Variants in PLEKHA7 observed in about 807,000 individuals in gnomAD.
PLEKHA7 encodes pleckstrin homology domain containing A7.
In PLEKHA7, 104 loss-of-function variants were observed where a neutral mutation model predicts 170.0. That is an observed-to-expected ratio of 0.61 (90% CI 0.52 to 0.72). The LOEUF (loss-of-function observed/expected upper bound fraction) is 0.72, where lower values mean the gene tolerates loss of function less well. Among genes scored for constraint, PLEKHA7 ranks in the 30% least tolerant of loss-of-function variants. The pLI is 0.00. For synonymous variants in PLEKHA7, 648 were observed against 660.8 expected, an observed-to-expected ratio of 0.98 and a Z score of 0.30; for missense variants, 1,615 against 1,671.7, an observed-to-expected ratio of 0.97 and a Z score of 0.59.
At chr11:16,804,818 T>C (rs549245395) in intron 13 of PLEKHA7, among the ~76,000 whole-genome samples, 2 of 152,322 alleles carry the variant, frequency 1.3e-5, no homozygotes, top group South Asian at 4.1e-4. Context: ...TACATACACG[T>C]ATACACACAG....
rs1847847958 is a variant in PLEKHA7 at position 16,791,436 on chromosome 11, G to A, written c.2746-237C>T. On this transcript the variant is annotated intron_variant, in intron 19 of 26. Transcript: ENST00000531066. This position sits in a 1 kb window ranked among gnomAD's most constrained non-coding sequence, Gnocchi z 4.5. The stretch of plus-strand genomic sequence containing the variant: ...GTTTCTATTCCTCCAAGTGTTACCT[G>A]TATAACTGTGTCCTGAAACCCAGGA... 6.4e-6 allele frequency: 4 copies of A among 628,936 alleles called. No individual in the cohort carries two copies. The highest frequency in any genetic ancestry group is 1.2e-5 in the Non-Finnish European group (4 of 346,562). 39.0% of individuals were successfully genotyped at this position (628,936 alleles called of 1,614,324 possible). A position where few individuals can be genotyped will look rare whatever the true frequency, so the allele number is the denominator to read the frequency against.
Position 16,781,058 on chromosome 11 carries a change from T to C in PLEKHA7, c.3793+1696A>G, listed in dbSNP as rs1277299015. ...GAGGAGGGCCAGCTGCTGTGCTAGA[T>C]GGGGCACACAGGAATTAAGCGGTGT... On this transcript the variant is annotated intron_variant, in intron 26 of 26. Coordinates refer to ENST00000531066, the MANE Select transcript of PLEKHA7 (RefSeq NM_001329630.2). 4.1e-6 allele frequency: 4 copies of C among 979,714 alleles called. No homozygotes were observed. In the African/African-American group the frequency reaches 7.0e-5, roughly 17 times the overall value. 60.7% of individuals were successfully genotyped at this position (979,714 alleles called of 1,614,324 possible).
intron 12 of PLEKHA7, among the ~76,000 whole-genome samples, chr11:16,814,370 G>C (rs1849591368): frequency 6.6e-6 from 1 of 152,144 alleles, no homozygotes. Flanking sequence ...AGGAAGGAAG[G>C]TAACAGTCCT....
In PLEKHA7 at chr11:16,855,008, A is replaced by C; in HGVS notation, c.418-15T>G. The C allele has an allele frequency of 6.2e-7, 1 of 1,609,596 alleles. No individual in the cohort carries two copies. ...GACTTTATGATCTATGAAAAAGCAG[A>C]CTGAACTTTAGCAACAGGGAATTTA... is the stretch of plus-strand genomic sequence containing the variant. On this transcript the variant is annotated splice_polypyrimidine_tract_variant and intron_variant, in intron 5 of 26. Coordinates refer to ENST00000531066, the MANE Select transcript of PLEKHA7 (RefSeq NM_001329630.2).
intron 3 of PLEKHA7, among the ~76,000 whole-genome samples, chr11:16,946,639 G>C (rs1861048177): frequency 6.6e-6 from 1 of 152,152 alleles, no homozygotes; most frequent in African/African-American, 2.4e-5. Flanking sequence ...TACCTAATTA[G>C]AATGGCAAAT....
At chr11:16,990,287 A>AACC (rs1554992435) in intron 3 of PLEKHA7, among the ~76,000 whole-genome samples, 2 of 111,250 alleles carry the variant, frequency 1.8e-5, no homozygotes, top group Non-Finnish European at 3.5e-5. Context: ...AAAAAAAAAA[A>AACC]AAAAAAAAAA....
At chr11:16,952,319 C>T (rs1565149576) in intron 3 of PLEKHA7, among the ~76,000 whole-genome samples, 1 of 152,052 alleles carries the variant, frequency 6.6e-6, no homozygotes, top group Non-Finnish European at 1.5e-5. Flanking sequence ...TCCACTGTTG[C>T]CTGGAATAAA....
intron 3 of PLEKHA7, among the ~76,000 whole-genome samples, chr11:16,884,076 T>C (rs1417346156): frequency 7.9e-6 from 1 of 126,706 alleles, no homozygotes. Flanking sequence ...TTTACATATA[T>C]ATCTTGGACT....
chr11:16,875,089 C>A (rs76113890), intron 3 of PLEKHA7, among the ~76,000 whole-genome samples: 2,366 of 152,268 alleles, frequency 0.016, 60 homozygotes, highest in African/African-American at 0.054. Context: ...TTGATCAGAC[C>A]TAGAGACAGT....
intron 25 of PLEKHA7, 145 bp downstream of exon 25, chr11:16,783,555 C>T (rs1849195860): frequency 2.3e-6 from 2 of 882,104 alleles, no homozygotes; most frequent in Non-Finnish European, 1.5e-6. Context: ...GATGTACCAG[C>T]CTGCCCCCTC....
intron 3 of PLEKHA7, among the ~76,000 whole-genome samples, chr11:17,009,039 C>T (rs560704975): frequency 5.3e-5 from 8 of 152,280 alleles, no homozygotes; most frequent in Non-Finnish European, 1.2e-4. Flanking sequence ...CCTCAATCCC[C>T]AGAAAAAGCA....
At chr11:16,797,451 G>C (rs1021515067) in intron 17 of PLEKHA7, among the ~76,000 whole-genome samples, 1 of 152,130 alleles carries the variant, frequency 6.6e-6, no homozygotes, top group African/African-American at 2.4e-5. Context: ...CACTTAGCAG[G>C]TTCTCAGTGC....
chr11:16,965,748 G>C (rs1398286653), intron 3 of PLEKHA7, among the ~76,000 whole-genome samples: 1 of 152,164 alleles, frequency 6.6e-6, no homozygotes, highest in Admixed American at 6.5e-5. Context: ...ATTTCTTTTG[G>C]CCTCGATCTT....
chr11:16,876,191 C>G (rs544561635), intron 3 of PLEKHA7, among the ~76,000 whole-genome samples: 1 of 152,310 alleles, frequency 6.6e-6, no homozygotes, highest in Admixed American at 6.5e-5. Context: ...CACTGTGTCT[C>G]AAGAAGTATT....
chr11:16,895,811 C>T (rs1349386518), intron 3 of PLEKHA7, among the ~76,000 whole-genome samples: 1 of 152,202 alleles, frequency 6.6e-6, no homozygotes, highest in African/African-American at 2.4e-5. Context: ...AATAAACAAA[C>T]CCTCACCTGA....
intron 8 of PLEKHA7, among the ~76,000 whole-genome samples, chr11:16,849,366 C>A (rs1483232978): frequency 6.6e-6 from 1 of 152,180 alleles, no homozygotes; most frequent in African/African-American, 2.4e-5. Flanking sequence ...ACATCACTAT[C>A]CCAATTGTTT....
chr11:16,839,159 C>T (rs1851762355), intron 9 of PLEKHA7, among the ~76,000 whole-genome samples: 1 of 151,976 alleles, frequency 6.6e-6, no homozygotes, highest in South Asian at 2.1e-4. Flanking sequence ...TTATGAAATA[C>T]CATATGAGTA....
intron 4 of PLEKHA7, among the ~76,000 whole-genome samples, chr11:16,862,560 GGAA>G (rs1439281165): frequency 6.6e-6 from 1 of 152,200 alleles, no homozygotes; most frequent in East Asian, 1.9e-4. Context: ...ACTACTTACA[GGAA>G]GCAGCTTCCC....
Position 16,785,323 on chromosome 11 carries a change from G to C in PLEKHA7, c.3516+906C>G, listed in dbSNP as rs117386947. Among the ~76,000 whole-genome samples the C allele has an allele frequency of 1.4e-3, 212 of 152,350 alleles. 2 individuals carry two copies. The East Asian group carries it at 0.038, about 27-fold the overall frequency. On this transcript the variant is annotated intron_variant, in intron 24 of 26. Coordinates refer to ENST00000531066, the MANE Select transcript of PLEKHA7 (RefSeq NM_001329630.2). ...CCTCGATCCATCCTTCATGTGGTGA[G>C]AACATTTCCTCTTGTGCAGTTTCCA...
Sources: gnomAD v4.1 joint callset for allele counts (sites outside exome capture counted in the v4.1 genomes callset) on GRCh38, gnomAD v4.1.1 for gene constraint, Gnocchi (gnomAD v3.1) non-coding constraint, MANE v1.5 for transcripts, NCBI Gene and HGNC (gene_info 2026-07-23, HGNC 2026-07-21) for gene names.